The following ADCY2 variants were observed in gnomAD, a reference collection of about 807,000 sequenced individuals.
The protein encoded by ADCY2 is adenylate cyclase type 2.
A neutral mutation model predicts 125.2 loss-of-function variants in ADCY2; 31 were observed. That is an observed-to-expected ratio of 0.25 (90% confidence interval 0.19 to 0.33). The LOEUF (loss-of-function observed/expected upper bound fraction) is 0.33, where lower values mean the gene tolerates loss of function less well. ADCY2 is among the 10% of genes least tolerant of loss of function. The pLI is 1.00. For missense variants in ADCY2, 904 were observed against 1,418.2 expected, an observed-to-expected ratio of 0.64 and a Z score of 5.82; for synonymous variants, 512 against 548.4, an observed-to-expected ratio of 0.93 and a Z score of 0.93.
intron 1 of ADCY2, among the ~76,000 whole-genome samples, chr5:7,401,897 C>T (rs746747828): frequency 6.6e-6 from 1 of 152,180 alleles, no homozygotes. Context: ...GGGCATACTC[C>T]ACTGGTATAT....
chr5:7,641,753 CT>C (rs1738719280), intron 4 of ADCY2, among the ~76,000 whole-genome samples: 1 of 152,086 alleles, frequency 6.6e-6, no homozygotes, highest in South Asian at 2.1e-4. Context: ...TTAGCTCCTA[CT>C]TATAAGTGAG....
intron 2 of ADCY2, among the ~76,000 whole-genome samples, chr5:7,469,425 G>A (rs1361598393): frequency 2.6e-5 from 4 of 151,702 alleles, no homozygotes; most frequent in Admixed American, 6.6e-5. Context: ...TTGTCATAAC[G>A]TAACAGTCCT....
intron 4 of ADCY2, among the ~76,000 whole-genome samples, chr5:7,645,567 G>A (rs1201481960): frequency 6.6e-6 from 1 of 152,154 alleles, no homozygotes; most frequent in Non-Finnish European, 1.5e-5. Context: ...TGGATCACCA[G>A]GTTACCAGTG....
intron 2 of ADCY2, among the ~76,000 whole-genome samples, chr5:7,461,448 A>T (rs558799533): frequency 6.6e-6 from 1 of 152,258 alleles, no homozygotes; most frequent in Non-Finnish European, 1.5e-5. Flanking sequence ...CCAATATTTT[A>T]GGTACATTCA....
chr5:7,814,538 A>C (rs548662859), intron 22 of ADCY2, among the ~76,000 whole-genome samples: 29 of 151,986 alleles, frequency 1.9e-4, no homozygotes, highest in Non-Finnish European at 3.5e-4. Flanking sequence ...AGGCTGAGAA[A>C]CCCTGCGTTA....
At chr5:7,723,675 C>G (rs1343325034) in intron 12 of ADCY2, among the ~76,000 whole-genome samples, 3 of 152,092 alleles carry the variant, frequency 2.0e-5, no homozygotes. Flanking sequence ...GTTATCCCAG[C>G]ACTTTGGGAG....
chr5:7,546,368 A>G (rs897513761), intron 3 of ADCY2, among the ~76,000 whole-genome samples: 5 of 152,198 alleles, frequency 3.3e-5, no homozygotes, highest in African/African-American at 1.2e-4. Flanking sequence ...AGCAGTTTCC[A>G]AGGTGTTTGA....
intron 4 of ADCY2, among the ~76,000 whole-genome samples, chr5:7,662,071 G>GC (rs1313697567): frequency 6.6e-6 from 1 of 152,172 alleles, no homozygotes; most frequent in Non-Finnish European, 1.5e-5. Context: ...TTTGAGGAAA[G>GC]CCATTATTCT....
chr5:7,466,498 C>A (rs997376230), intron 2 of ADCY2, among the ~76,000 whole-genome samples: 1 of 152,232 alleles, frequency 6.6e-6, no homozygotes, highest in Non-Finnish European at 1.5e-5. Flanking sequence ...CAAGGCTACA[C>A]TGCCAGTGCA....
intron 10 of ADCY2, among the ~76,000 whole-genome samples, chr5:7,712,517 A>G (rs1306744368): frequency 1.3e-5 from 2 of 152,214 alleles, no homozygotes; most frequent in East Asian, 1.9e-4. Flanking sequence ...TCACATGGTC[A>G]TAGGTTACTG....
intron 3 of ADCY2, among the ~76,000 whole-genome samples, chr5:7,600,598 G>A (rs567648726): frequency 1.6e-3 from 240 of 152,290 alleles, no homozygotes; most frequent in African/African-American, 5.6e-3. Flanking sequence ...TGCTGAGATT[G>A]GAGACCATGA....
intron 4 of ADCY2, among the ~76,000 whole-genome samples, chr5:7,648,374 T>A (rs1225806390): frequency 6.6e-6 from 1 of 152,216 alleles, no homozygotes; most frequent in Non-Finnish European, 1.5e-5. Flanking sequence ...ATAAGTTTCT[T>A]AAGTGAAACT....
At chr5:7,520,595 G>A (rs1005877613) in intron 2 of ADCY2, 143 bp from the exon 3 acceptor site, 14 of 847,302 alleles carry the variant, frequency 1.7e-5, no homozygotes, top group South Asian at 1.5e-4. Context: ...TATTTGCATC[G>A]ACTGCCCTAT....
In ADCY2 at chr5:7,784,465, A is replaced by G. The variant is rs375215933; in HGVS notation, c.2469+16A>G. ...GGGTAGACAGGTAAGAAGTCTGTTT[A>G]TATATATGTATGTATACCTTCTCTA... On this transcript the variant is annotated intron_variant, in intron 19 of 24. Coordinates refer to ENST00000338316, the MANE Select transcript of ADCY2 (RefSeq NM_020546.3). 28 of 1,577,580 alleles carry G rather than the reference A, an allele frequency of 1.8e-5. No homozygotes were observed. The African/African-American group carries it at 3.2e-4, about 18-fold the overall frequency.
At chr5:7,470,653 TG>T (rs1742302593) in intron 2 of ADCY2, among the ~76,000 whole-genome samples, 2 of 150,808 alleles carry the variant, frequency 1.3e-5, no homozygotes, top group African/African-American at 4.8e-5. Flanking sequence ...TGTGTGTGTG[TG>T]TGTTTACAAA....
intron 17 of ADCY2, among the ~76,000 whole-genome samples, chr5:7,769,963 G>A (rs1743508084): frequency 6.6e-6 from 1 of 152,160 alleles, no homozygotes; most frequent in East Asian, 1.9e-4. Context: ...ACTATCTGGA[G>A]CCTTACCCGG....
intron 4 of ADCY2, among the ~76,000 whole-genome samples, chr5:7,687,794 A>G (rs1190792196): frequency 6.6e-6 from 1 of 152,212 alleles, no homozygotes; most frequent in Admixed American, 6.5e-5. Context: ...CATAGCTAGA[A>G]ACTCATGTAA....
intron 7 of ADCY2, among the ~76,000 whole-genome samples, chr5:7,704,236 G>T (rs1341714677): frequency 1.3e-5 from 2 of 152,084 alleles, no homozygotes; most frequent in African/African-American, 4.8e-5. Flanking sequence ...GTTTTTGCCA[G>T]ATGGTCTCAG....
At chr5:7,451,091 T>C (rs1741453382) in intron 2 of ADCY2, among the ~76,000 whole-genome samples, 1 of 152,222 alleles carries the variant, frequency 6.6e-6, no homozygotes, top group Non-Finnish European at 1.5e-5. Context: ...ACACAACATC[T>C]GTTCTGCAGC....
Sources: gnomAD v4.1 joint callset for allele counts (sites outside exome capture counted in the v4.1 genomes callset) on GRCh38, gnomAD v4.1.1 for gene constraint, MANE v1.5 for transcripts, NCBI Gene and HGNC (gene_info 2026-07-23, HGNC 2026-07-21) for gene names.